CPEB1: variants seen among roughly 807,000 people sequenced by gnomAD.
The protein encoded by CPEB1 is cytoplasmic polyadenylation element binding protein 1.
CPEB1 carries 7 observed loss-of-function variants against 65.8 expected under a neutral mutation model. The observed-to-expected ratio is 0.11, with a 90% CI of 0.06 to 0.20. The LOEUF (loss-of-function observed/expected upper bound fraction) is 0.20, where lower values mean the gene tolerates loss of function less well. CPEB1 is among the 10% of genes least tolerant of loss of function. The pLI, the probability that CPEB1 is intolerant of heterozygous loss-of-function variation, is 1.00. For synonymous variants in CPEB1, 262 were observed against 260.0 expected (o/e 1.01, Z -0.08); for missense variants, 551 against 712.2 (o/e 0.77, Z 2.58).
chr15:82,626,897 C>A (rs1044519305), intron 3 of CPEB1, among the ~76,000 whole-genome samples: 11 of 152,186 alleles, frequency 7.2e-5, no homozygotes, highest in Non-Finnish European at 8.8e-5. Context: ...ACCAGAAAAT[C>A]TGTAACATAT....
chr15:82,553,409 T>C (rs1490364558), intron 8 of CPEB1, 58 bp downstream of exon 8: 1 of 1,307,726 alleles, frequency 7.6e-7, no homozygotes, highest in Admixed American at 1.7e-5. Flanking sequence ...TGCAGTTATG[T>C]ACTAGGGAAG....
chr15:82,574,752 T>C (rs971570501), intron 3 of CPEB1, among the ~76,000 whole-genome samples: 15 of 60,794 alleles, frequency 2.5e-4, no homozygotes, highest in African/African-American at 6.8e-5. Context: ...AAAAAAAAAA[T>C]CATAAACCAT....
intron 3 of CPEB1, among the ~76,000 whole-genome samples, chr15:82,619,565 T>C (rs552116718): frequency 3.3e-5 from 5 of 152,268 alleles, no homozygotes; most frequent in South Asian, 2.1e-4. Flanking sequence ...ATGTGGCCTA[T>C]ATAAAGAACT....
At position 82,627,235 on chromosome 15, in the gene CPEB1, A is replaced by G. The variant is rs760817775; in HGVS notation, c.229T>C (p.Cys77Arg). The change falls in exon 3 of 13, where the codon TGC becomes CGC. Residue 77 changes from cysteine (C) to arginine (R), a missense_variant. By Grantham distance (180) the Cys-to-Arg change is radical. Coordinates refer to ENST00000684509, the MANE Select transcript of CPEB1 (RefSeq NM_001365242.1). ...ATTCCTCGGTTTATAGGTGTAGTGCAGACTCTACTGAAATCCAGAGAATTA... is the reference window on the plus strand; with the variant it reads ...ATTCCTCGGTTTATAGGTGTAGTGCGGACTCTACTGAAATCCAGAGAATTA... ...LDNSLDFSRVCTTPINRGIHD... is the reference protein window; with the variant it reads ...LDNSLDFSRVRTTPINRGIHD... The G allele has an allele frequency of 1.1e-5, 18 of 1,613,498 alleles. No homozygotes were observed. The South Asian group carries it at 2.0e-4, about 18-fold the overall frequency.
At chr15:82,619,243 T>C (rs770185545) in intron 3 of CPEB1, among the ~76,000 whole-genome samples, 4 of 152,196 alleles carry the variant, frequency 2.6e-5, no homozygotes, top group Non-Finnish European at 5.9e-5. Context: ...CAACTGGCTA[T>C]CCACACAGAA....
At chr15:82,633,473 A>C (rs2046417671) in intron 1 of CPEB1, among the ~76,000 whole-genome samples, 1 of 152,214 alleles carries the variant, frequency 6.6e-6, no homozygotes, top group Admixed American at 6.5e-5. Flanking sequence ...CCCGGGTTCA[A>C]GTGATTCTCC....
intron 3 of CPEB1, among the ~76,000 whole-genome samples, chr15:82,585,932 T>TCAGG (rs2041759903): frequency 2.0e-5 from 3 of 151,970 alleles, no homozygotes; most frequent in Admixed American, 6.6e-5. Context: ...ATCTTGAGTG[T>TCAGG]CAGGCACTAG....
intron 3 of CPEB1, chr15:82,573,098 G>A: frequency 3.3e-6 from 5 of 1,535,582 alleles, no homozygotes; most frequent in Non-Finnish European, 4.4e-6. Flanking sequence ...TGCCCACCTG[G>A]GACCTCCCAT....
At chr15:82,602,977 A>G (rs2043250605) in intron 3 of CPEB1, among the ~76,000 whole-genome samples, 1 of 152,264 alleles carries the variant, frequency 6.6e-6, no homozygotes, top group Admixed American at 6.5e-5. Context: ...AATTGTCACA[A>G]TAAACTTTGT....
chr15:82,570,382 TC>T (rs1005900711), intron 4 of CPEB1, among the ~76,000 whole-genome samples: 1 of 76,142 alleles, frequency 1.3e-5, no homozygotes, highest in Non-Finnish European at 2.8e-5. Flanking sequence ...TACCACCCCC[TC>T]CCCCCCGCCC....
rs1273558984 is a variant in CPEB1 at position 82,543,260 on chromosome 15, C to T, written c.*1332G>A. 1.3e-5 allele frequency: 2 copies of T among 152,532 alleles called. No homozygotes were observed. The highest frequency in any genetic ancestry group is 1.3e-4 in the Admixed American group (2 of 15,260). 9.4% of individuals were successfully genotyped at this position (152,532 alleles called of 1,614,324 possible). On this transcript the variant is annotated 3_prime_UTR_variant, in exon 13 of 13. Coordinates refer to ENST00000684509, the MANE Select transcript of CPEB1 (RefSeq NM_001365242.1). Reference sequence around the variant, plus strand: ...CTACACCACAGCTTACTCCACACATCTGTAGGAGAGTGCAGTCTTGCCTGC... The same window carrying T: ...CTACACCACAGCTTACTCCACACATTTGTAGGAGAGTGCAGTCTTGCCTGC...
intron 3 of CPEB1, among the ~76,000 whole-genome samples, chr15:82,612,488 G>A (rs1223870342): frequency 8.1e-6 from 1 of 123,836 alleles, no homozygotes; most frequent in African/African-American, 3.2e-5. Context: ...CAGAGCGAGA[G>A]TCTGTCCAAA....
At chr15:82,589,729 A>G (rs1021475252) in intron 3 of CPEB1, among the ~76,000 whole-genome samples, 3 of 152,178 alleles carry the variant, frequency 2.0e-5, no homozygotes, top group Non-Finnish European at 2.9e-5. Flanking sequence ...TCCAAAAAAA[A>G]AAAAAATTGT....
At chr15:82,594,364 A>AAAAAG (rs59982583) in intron 3 of CPEB1, among the ~76,000 whole-genome samples, 61,377 of 150,070 alleles carry the variant, frequency 0.41, 13,778 homozygotes, top group African/African-American at 0.6. Flanking sequence ...TGAACCAAAA[A>AAAAAG]AAAAGAAAAG....
At chr15:82,576,442 C>T (rs2040656178) in intron 3 of CPEB1, among the ~76,000 whole-genome samples, 1 of 152,038 alleles carries the variant, frequency 6.6e-6, no homozygotes. Context: ...ATAAATTTTA[C>T]CTCAAAAAAG....
chr15:82,553,337 C>A, intron 8 of CPEB1, 130 bp downstream of exon 8: 4 of 667,924 alleles, frequency 6.0e-6, no homozygotes, highest in Non-Finnish European at 5.4e-6. Context: ...GATGGCAGGT[C>A]TGTGCCCTGG....
chr15:82,586,129 T>C (rs898224380), intron 3 of CPEB1, among the ~76,000 whole-genome samples: 3 of 151,942 alleles, frequency 2.0e-5, no homozygotes, highest in African/African-American at 4.8e-5. Context: ...TCTGGCCTAA[T>C]AGGGGAACAG....
chr15:82,606,343 G>A (rs914173645), intron 3 of CPEB1, among the ~76,000 whole-genome samples: 6 of 151,522 alleles, frequency 4.0e-5, no homozygotes, highest in African/African-American at 1.2e-4. Context: ...ATGGTGATGG[G>A]TACCTGGTAT....
In CPEB1 at chr15:82,556,132, G is replaced by A. The variant is rs775645381; in HGVS notation, c.688-10C>T. 2 of 1,584,088 alleles carry A rather than the reference G, an allele frequency of 1.3e-6. No homozygotes were observed. The highest frequency in any genetic ancestry group is 2.7e-5 in the African/African-American group (2 of 73,050). On this transcript the variant is annotated splice_polypyrimidine_tract_variant and intron_variant, in intron 5 of 12. Transcript: ENST00000684509. ...AAATGCGAAGGCTTGACTAGGGGAG[G>A]AAAAAGGAAGACAGGGTTTTAAAGG...
Sources: gnomAD v4.1 joint callset for allele counts (sites outside exome capture counted in the v4.1 genomes callset) on GRCh38, gnomAD v4.1.1 for gene constraint, MANE v1.5 for transcripts, NCBI Gene and HGNC (gene_info 2026-07-23, HGNC 2026-07-21) for gene names.